Variants in CNTNAP5 observed in about 807,000 individuals in gnomAD.
CNTNAP5 encodes contactin associated protein family member 5.
In CNTNAP5, 72 loss-of-function variants were observed where a neutral mutation model predicts 150.2. That is an observed-to-expected ratio of 0.48 (90% CI 0.40 to 0.58). CNTNAP5 has a LOEUF of 0.58. CNTNAP5 is among the 20% of genes least tolerant of loss of function. The probability of loss-of-function intolerance (pLI) is 0.00; values close to 1 mark genes in which losing one functional copy is unlikely to be tolerated. For synonymous variants in CNTNAP5, 672 were observed against 619.8 expected (o/e 1.08, Z -1.25); for missense variants, 1,636 against 1,626.2 (o/e 1.01, Z -0.10).
chr2:124,820,104 T>C (rs1047567685), intron 19 of CNTNAP5, among the ~76,000 whole-genome samples: 5 of 152,188 alleles, frequency 3.3e-5, no homozygotes, highest in Admixed American at 1.3e-4. Context: ...TGCATTGTTT[T>C]TTCTTTCCTT....
At chr2:124,480,491 G>A (rs566722782) in intron 7 of CNTNAP5, among the ~76,000 whole-genome samples, 16 of 152,212 alleles carry the variant, frequency 1.1e-4, no homozygotes, top group African/African-American at 2.9e-4. Context: ...GGACATGAGA[G>A]CACACACACA....
chr2:124,422,285 G>C (rs1692123741), intron 4 of CNTNAP5, among the ~76,000 whole-genome samples: 1 of 152,142 alleles, frequency 6.6e-6, no homozygotes, highest in African/African-American at 2.4e-5. Flanking sequence ...CAGCTCTATA[G>C]TTTCTTCAGA....
At chr2:124,729,471 G>A (rs1317073165) in intron 13 of CNTNAP5, among the ~76,000 whole-genome samples, 1 of 151,984 alleles carries the variant, frequency 6.6e-6, no homozygotes, top group Admixed American at 6.6e-5. Flanking sequence ...TAGGTAAAAA[G>A]CATTAATTTC....
At chr2:124,559,724 G>A (rs772393423) in intron 10 of CNTNAP5, among the ~76,000 whole-genome samples, 3 of 152,152 alleles carry the variant, frequency 2.0e-5, no homozygotes, top group Non-Finnish European at 2.9e-5. Context: ...AGAAACAAAA[G>A]CCCAGTTAAA....
intron 17 of CNTNAP5, among the ~76,000 whole-genome samples, chr2:124,786,398 A>AGAAG (rs773411166): frequency 0.019 from 867 of 45,074 alleles, 48 homozygotes; most frequent in East Asian, 0.046. Flanking sequence ...AAAGAAAGAA[A>AGAAG]GAAGGAAGGA....
intron 8 of CNTNAP5, among the ~76,000 whole-genome samples, chr2:124,505,335 T>C (rs923732855): frequency 1.3e-5 from 2 of 152,180 alleles, no homozygotes; most frequent in African/African-American, 4.8e-5. Context: ...TGGGAATTTA[T>C]CCTGAATTTG....
At chr2:124,534,627 C>T (rs746428484) in intron 10 of CNTNAP5, among the ~76,000 whole-genome samples, 1 of 152,142 alleles carries the variant, frequency 6.6e-6, no homozygotes, top group Non-Finnish European at 1.5e-5. Context: ...GTAGTCCCAG[C>T]ATTTTGGGAG....
intron 12 of CNTNAP5, among the ~76,000 whole-genome samples, chr2:124,639,054 A>G (rs1284989875): frequency 6.6e-6 from 1 of 152,200 alleles, no homozygotes; most frequent in Non-Finnish European, 1.5e-5. Flanking sequence ...TGATTTCAAA[A>G]GCTGTCACTG....
chr2:124,546,616 A>G (rs1252175833), intron 10 of CNTNAP5, among the ~76,000 whole-genome samples: 2 of 152,186 alleles, frequency 1.3e-5, no homozygotes, highest in Non-Finnish European at 2.9e-5. Flanking sequence ...GGTAGTTGGT[A>G]GTGTAGACAA....
At chr2:124,233,038 T>TG (rs1263207421) in intron 2 of CNTNAP5, among the ~76,000 whole-genome samples, 1 of 90,032 alleles carries the variant, frequency 1.1e-5, no homozygotes, top group African/African-American at 3.9e-5. Flanking sequence ...TTTGTATCTG[T>TG]GGGTTTTTTT....
At chr2:124,570,707 T>C (rs974718769) in intron 11 of CNTNAP5, among the ~76,000 whole-genome samples, 1 of 152,182 alleles carries the variant, frequency 6.6e-6, no homozygotes, top group Non-Finnish European at 1.5e-5. Context: ...TTTGCAATTT[T>C]GTGGGCAGCA....
chr2:124,876,653 C>T (rs914580931), intron 21 of CNTNAP5, among the ~76,000 whole-genome samples: 1 of 151,924 alleles, frequency 6.6e-6, no homozygotes, highest in African/African-American at 2.4e-5. Flanking sequence ...AAAGTGACTC[C>T]TCTAAAAGAT....
At position 124,578,785 on chromosome 2, in the gene CNTNAP5, GTAAA is replaced by G. The variant is rs530725325; in HGVS notation, c.1756+15488_1756+15491del. The stretch of plus-strand genomic sequence containing the variant: ...GAGACCCTGTCTCAAAAATAAATAA[GTAAA>G]TAAATAAATAAATAAATAAATAAAT... On this transcript the variant is annotated intron_variant, in intron 11 of 23. Coordinates refer to ENST00000682447, the MANE Select transcript of CNTNAP5 (RefSeq NM_001367498.1). Among the ~76,000 whole-genome samples, 268 of 151,604 alleles carry G rather than the reference GTAAA, an allele frequency of 1.8e-3. 1 individual carries two copies. The highest frequency in any genetic ancestry group is 5.5e-3 in the African/African-American group (227 of 41,320).
intron 19 of CNTNAP5, among the ~76,000 whole-genome samples, chr2:124,798,572 C>G (rs1681898302): frequency 6.6e-6 from 1 of 152,180 alleles, no homozygotes; most frequent in Non-Finnish European, 1.5e-5. Context: ...AGCAGTAATT[C>G]TTTATTATTT....
At chr2:124,642,433 A>T (rs1678113270) in intron 12 of CNTNAP5, among the ~76,000 whole-genome samples, 1 of 152,174 alleles carries the variant, frequency 6.6e-6, no homozygotes, top group African/African-American at 2.4e-5. Context: ...AGGACTAATT[A>T]GTTTCTTCAC....
chr2:124,541,008 C>T (rs1857690), intron 10 of CNTNAP5, among the ~76,000 whole-genome samples: 63,189 of 151,516 alleles, frequency 0.42, 13,658 homozygotes, highest in East Asian at 0.64. Flanking sequence ...CAAAAGCATC[C>T]GTACAGAGGT....
chr2:124,556,544 T>G (rs1165978134), intron 10 of CNTNAP5, among the ~76,000 whole-genome samples: 1 of 152,184 alleles, frequency 6.6e-6, no homozygotes, highest in Non-Finnish European at 1.5e-5. Context: ...CTTGCTCTTG[T>G]GTTGGGAATT....
chr2:124,301,341 C>T (rs1470964867), intron 3 of CNTNAP5, among the ~76,000 whole-genome samples: 1 of 152,198 alleles, frequency 6.6e-6, no homozygotes, highest in Admixed American at 6.5e-5. Context: ...TTGCACTATT[C>T]GTTTTGCTCT....
intron 3 of CNTNAP5, among the ~76,000 whole-genome samples, chr2:124,411,797 C>T (rs1168957859): frequency 1.1e-5 from 1 of 89,930 alleles, no homozygotes; most frequent in Non-Finnish European, 2.3e-5. Context: ...AAACTGGAAG[C>T]ATTCCCTTTG....
Sources: allele counts gnomAD v4.1 joint callset (sites outside exome capture counted in the v4.1 genomes callset), GRCh38; gene constraint gnomAD v4.1.1; transcripts MANE v1.5; gene names NCBI Gene and HGNC (gene_info 2026-07-23, HGNC 2026-07-21).